TOP6BL: variants seen among roughly 807,000 people sequenced by gnomAD.
The protein encoded by TOP6BL is TOP6B like initiator of meiotic double strand breaks.
the TOP6BL span, among the ~76,000 whole-genome samples, chr11:66,786,935 T>C: frequency 7.1e-6 from 1 of 141,590 alleles, no homozygotes. Context: ...AATTTTTGTT[T>C]TGTTTTTTTT....
chr11:66,809,694 T>C, the TOP6BL span, among the ~76,000 whole-genome samples: 1 of 152,154 alleles, frequency 6.6e-6, no homozygotes, highest in Non-Finnish European at 1.5e-5. Flanking sequence ...GATATGTGAG[T>C]GTAAATTCAG....
At chr11:66,758,302 C>CTTTTTCTTTTTT in the TOP6BL span, 1 of 67,318 alleles carries the variant, frequency 1.5e-5, no homozygotes, top group African/African-American at 7.1e-5. Flanking sequence ...TTTTCTTTTT[C>CTTTTTCTTTTTT]TTTTTTTTTT....
chr11:66,794,914 C>T, the TOP6BL span, among the ~76,000 whole-genome samples: 1 of 152,130 alleles, frequency 6.6e-6, no homozygotes, highest in African/African-American at 2.4e-5. Context: ...GGGCAGATCA[C>T]CTGAGGTGAG....
At chr11:66,808,832 G>A in the TOP6BL span, among the ~76,000 whole-genome samples, 1 of 152,304 alleles carries the variant, frequency 6.6e-6, no homozygotes, top group South Asian at 2.1e-4. Flanking sequence ...AGAGTAAAGA[G>A]TAAAACTGTC....
chr11:66,744,905 G>A, the TOP6BL span: 1 of 1,267,152 alleles, frequency 7.9e-7, no homozygotes, highest in Non-Finnish European at 1.0e-6. Flanking sequence ...GGGGACGGCC[G>A]TGGCCGTGTT....
At chr11:66,796,874 A>G in the TOP6BL span, among the ~76,000 whole-genome samples, 5 of 139,462 alleles carry the variant, frequency 3.6e-5, no homozygotes, top group African/African-American at 1.1e-4. Context: ...TTTTTTTTTT[A>G]GAGAGACAAG....
At chr11:66,835,593 T>C in the TOP6BL span, among the ~76,000 whole-genome samples, 2 of 152,190 alleles carry the variant, frequency 1.3e-5, no homozygotes, top group African/African-American at 2.4e-5. Flanking sequence ...CTTCAACCCC[T>C]GGCAACCACT....
At chr11:66,816,323 A>G in the TOP6BL span, 1 of 1,095,410 alleles carries the variant, frequency 9.1e-7, no homozygotes, top group Admixed American at 3.1e-5. Context: ...TCAGTGAAAA[A>G]CCTTGCTTAA....
At chr11:66,780,509 G>A in the TOP6BL span, among the ~76,000 whole-genome samples, 3 of 152,048 alleles carry the variant, frequency 2.0e-5, no homozygotes, top group Non-Finnish European at 4.4e-5. Context: ...TGGCTTGATA[G>A]TTTTCTCCTT....
At chr11:66,842,714 T>G in the TOP6BL span, 1 of 867,230 alleles carries the variant, frequency 1.2e-6, no homozygotes, top group Non-Finnish European at 1.7e-6. Flanking sequence ...AGGGTTTTGG[T>G]GTGGATGGGA....
the TOP6BL span, among the ~76,000 whole-genome samples, chr11:66,777,097 ATATC>A: frequency 2.0e-5 from 3 of 149,880 alleles, no homozygotes; most frequent in East Asian, 1.9e-4. Flanking sequence ...CTATATATCT[ATATC>A]TATATATCTA....
chr11:66,822,800 TTG>T, the TOP6BL span: 10 of 648,746 alleles, frequency 1.5e-5, no homozygotes, highest in Non-Finnish European at 2.4e-5. Flanking sequence ...GCCCAGGAAT[TTG>T]ACACCAGCCT....
chr11:66,744,776 C>T, the TOP6BL span: 4 of 1,229,694 alleles, frequency 3.3e-6, no homozygotes, highest in East Asian at 3.1e-5. Context: ...GGCGTGGACT[C>T]GGGCGTGGGC....
the TOP6BL span, among the ~76,000 whole-genome samples, chr11:66,749,332 G>A: frequency 6.6e-6 from 1 of 152,104 alleles, no homozygotes; most frequent in South Asian, 2.1e-4. Flanking sequence ...AGAAATGCTT[G>A]GCTACGTGTC....
the TOP6BL span, among the ~76,000 whole-genome samples, chr11:66,768,453 G>A: frequency 1.3e-5 from 2 of 152,078 alleles, no homozygotes; most frequent in Admixed American, 6.6e-5. Flanking sequence ...TTTCAGAGAT[G>A]AGAAAACTGA....
the TOP6BL span, among the ~76,000 whole-genome samples, chr11:66,767,239 C>G: frequency 1.3e-5 from 2 of 152,142 alleles, no homozygotes; most frequent in Non-Finnish European, 2.9e-5. Context: ...ATGTGTGCTA[C>G]TGTCTGCATT....
At chr11:66,843,499 CGCGGCCGGA>C in the TOP6BL span, 99 of 1,485,550 alleles carry the variant, frequency 6.7e-5, no homozygotes, top group African/African-American at 1.3e-3. Context: ...CTGTCGGTGT[CGCGGCCGGA>C]GCGGCCGCCC....
chr11:66,768,875 T>A, the TOP6BL span, among the ~76,000 whole-genome samples: 1 of 152,150 alleles, frequency 6.6e-6, no homozygotes, highest in Non-Finnish European at 1.5e-5. Flanking sequence ...TAGCTCTTAT[T>A]ATTAGAGATC....
chr11:66,818,272 C>T, the TOP6BL span, among the ~76,000 whole-genome samples: 1 of 152,162 alleles, frequency 6.6e-6, no homozygotes, highest in African/African-American at 2.4e-5. Flanking sequence ...TTCTGAGCCT[C>T]TCAGAAGTAA....
Sources: gnomAD v4.1 joint callset for allele counts (sites outside exome capture counted in the v4.1 genomes callset) on GRCh38, gnomAD v4.1.1 for gene constraint, MANE v1.5 for transcripts, NCBI Gene and HGNC (gene_info 2026-07-23, HGNC 2026-07-21) for gene names.